Variants in NRXN3 observed in about 807,000 individuals in gnomAD.
NRXN3 encodes the protein neurexin III.
A neutral mutation model predicts 137.6 loss-of-function variants in NRXN3; 32 were observed. The ratio of observed to expected loss-of-function variants is 0.23; its 90% CI spans 0.18 to 0.31. The LOEUF is 0.31. Among genes scored for constraint, NRXN3 ranks in the 10% least tolerant of loss-of-function variants. The probability of loss-of-function intolerance (pLI) is 1.00; values close to 1 mark genes in which losing one functional copy is unlikely to be tolerated. For missense variants in NRXN3, 1,574 were observed against 2,062.5 expected (o/e 0.76, Z 4.59); for synonymous variants, 798 against 784.5 (o/e 1.02, Z -0.29).
intron 15 of NRXN3, among the ~76,000 whole-genome samples, chr14:79,207,669 G>A (rs1364680590): frequency 1.3e-5 from 2 of 152,048 alleles, no homozygotes; most frequent in Non-Finnish European, 2.9e-5. Context: ...TCTTTGGCCC[G>A]TTCTTTCTGC....
At chr14:78,943,587 G>T (rs1239517519) in intron 10 of NRXN3, among the ~76,000 whole-genome samples, 1 of 120,448 alleles carries the variant, frequency 8.3e-6, no homozygotes, top group African/African-American at 2.9e-5. Flanking sequence ...TCTGAAGGTT[G>T]AGAAAAGAAG....
chr14:78,299,073 T>A (rs1004092806), intron 4 of NRXN3, among the ~76,000 whole-genome samples: 20 of 152,210 alleles, frequency 1.3e-4, no homozygotes, highest in Admixed American at 3.9e-4. Flanking sequence ...TTTTCCAATG[T>A]AAATGTATCC....
chr14:78,184,763 A>G (rs915082579), intron 1 of NRXN3, among the ~76,000 whole-genome samples: 3 of 152,186 alleles, frequency 2.0e-5, no homozygotes, highest in Non-Finnish European at 2.9e-5. Context: ...CCAGGGACAC[A>G]CATGTGGTTG....
intron 15 of NRXN3, among the ~76,000 whole-genome samples, chr14:79,444,650 A>C (rs969431094): frequency 2.0e-5 from 3 of 152,140 alleles, no homozygotes; most frequent in Admixed American, 6.5e-5. Context: ...TATAGTGAGA[A>C]CCCATCACTA....
chr14:78,822,793 C>G (rs1484159243), intron 10 of NRXN3, among the ~76,000 whole-genome samples: 1 of 152,072 alleles, frequency 6.6e-6, no homozygotes, highest in Non-Finnish European at 1.5e-5. Context: ...CTACTCCATT[C>G]CAAAGCCTCT....
chr14:79,306,188 A>G lies in NRXN3; in HGVS notation c.3263-161033A>G, dbSNP rs144865726. 5.2e-3 allele frequency among the ~76,000 whole-genome samples: 788 copies of G among 152,200 alleles called. 8 individuals are homozygous for G. Among genetic ancestry groups the G allele is most frequent in the Non-Finnish European group, 9.1e-3 (617 of 67,980 alleles). On this transcript the variant is annotated intron_variant, in intron 15 of 20. Coordinates refer to ENST00000335750, the MANE Select transcript of NRXN3 (RefSeq NM_001330195.2). The stretch of plus-strand genomic sequence containing the variant: ...ATCCTTTCCAGAGTGATAAATATAC[A>G]TTGATTTTATTTGATTTGGCCCATA...
chr14:78,508,664 T>C (rs2096044804), intron 4 of NRXN3, among the ~76,000 whole-genome samples: 1 of 151,504 alleles, frequency 6.6e-6, no homozygotes, highest in South Asian at 2.1e-4. Context: ...TTATTTAAAA[T>C]GTTAAAAAAA....
At chr14:79,790,859 T>G (rs923930846) in intron 19 of NRXN3, among the ~76,000 whole-genome samples, 18 of 151,840 alleles carry the variant, frequency 1.2e-4, no homozygotes, top group African/African-American at 4.1e-4. Flanking sequence ...GACCTCATGA[T>G]CCACCCGCCT....
At chr14:79,155,708 T>C (rs1336054665) in intron 15 of NRXN3, among the ~76,000 whole-genome samples, 1 of 151,720 alleles carries the variant, frequency 6.6e-6, no homozygotes, top group Non-Finnish European at 1.5e-5. Context: ...TTAAAAAAAA[T>C]AAAGGAGATT....
intron 14 of NRXN3, among the ~76,000 whole-genome samples, chr14:78,971,441 T>TATACAC (rs71131669): frequency 3.3e-4 from 47 of 142,530 alleles, no homozygotes; most frequent in Non-Finnish European, 1.8e-4. Context: ...TATATATATA[T>TATACAC]ACACACACAC....
chr14:79,667,149 GGCCATCAAACAAA>G (rs1401416851), intron 17 of NRXN3, among the ~76,000 whole-genome samples: 1 of 151,862 alleles, frequency 6.6e-6, no homozygotes, highest in Non-Finnish European at 1.5e-5. Flanking sequence ...CCCGTGTCTG[GGCCATCAAACAAA>G]GCCATCAACC....
intron 16 of NRXN3, among the ~76,000 whole-genome samples, chr14:79,496,704 CTG>C (rs1457757554): frequency 6.6e-6 from 1 of 152,142 alleles, no homozygotes; most frequent in Non-Finnish European, 1.5e-5. Flanking sequence ...AGAGGTAAAA[CTG>C]TGATAGTAAG....
intron 19 of NRXN3, among the ~76,000 whole-genome samples, chr14:79,795,147 T>C (rs1308275454): frequency 6.6e-6 from 1 of 152,210 alleles, no homozygotes; most frequent in Non-Finnish European, 1.5e-5. Flanking sequence ...GGGAAAATTA[T>C]TAGCCTCACT....
intron 15 of NRXN3, among the ~76,000 whole-genome samples, chr14:79,456,742 AGAGAGGAGAG>A (rs368005429): frequency 5.9e-5 from 9 of 151,938 alleles, no homozygotes; most frequent in East Asian, 5.8e-4. Context: ...AGAAAGGAGA[AGAGAGGAGAG>A]GAGAGGAGAG....
At chr14:78,863,474 A>T (rs1056459900) in intron 10 of NRXN3, among the ~76,000 whole-genome samples, 1 of 151,878 alleles carries the variant, frequency 6.6e-6, no homozygotes, top group African/African-American at 2.4e-5. Context: ...TGCTCTTTGT[A>T]TGATCTCATC....
chr14:79,010,912 T>C (rs1008502150), intron 15 of NRXN3, among the ~76,000 whole-genome samples: 5 of 152,126 alleles, frequency 3.3e-5, no homozygotes, highest in African/African-American at 1.2e-4. Flanking sequence ...ATATTATCTT[T>C]CCTTATGCTG....
At chr14:78,515,928 G>A (rs895640953) in intron 4 of NRXN3, among the ~76,000 whole-genome samples, 2 of 152,094 alleles carry the variant, frequency 1.3e-5, no homozygotes, top group African/African-American at 4.8e-5. Flanking sequence ...TTGGATGAGC[G>A]CCTTAAGCAC....
intron 10 of NRXN3, among the ~76,000 whole-genome samples, chr14:78,894,281 C>T (rs2099167331): frequency 6.6e-6 from 1 of 151,960 alleles, no homozygotes; most frequent in African/African-American, 2.4e-5. Context: ...GGTGCTTTAT[C>T]AACTGAATTT....
intron 15 of NRXN3, among the ~76,000 whole-genome samples, chr14:79,336,024 G>C (rs1265977796): frequency 6.6e-6 from 1 of 152,128 alleles, no homozygotes; most frequent in Non-Finnish European, 1.5e-5. Flanking sequence ...CAGTTTGGTT[G>C]CAAGCAACAG....
Sources: gnomAD v4.1 joint callset for allele counts (sites outside exome capture counted in the v4.1 genomes callset) on GRCh38, gnomAD v4.1.1 for gene constraint, MANE v1.5 for transcripts, NCBI Gene and HGNC (gene_info 2026-07-23, HGNC 2026-07-21) for gene names.